GRM8: variants seen among roughly 807,000 people sequenced by gnomAD.
GRM8 encodes the protein glutamate metabotropic receptor 8.
A neutral mutation model predicts 87.2 loss-of-function variants in GRM8; 47 were observed. The observed-to-expected ratio is 0.54, with a 90% CI of 0.43 to 0.69. The LOEUF is 0.69. GRM8 is among the 30% of genes least tolerant of loss of function. The pLI, the probability that GRM8 is intolerant of heterozygous loss-of-function variation, is 0.00. For missense variants in GRM8, 1,019 were observed against 1,139.2 expected (o/e 0.89, Z 1.52); for synonymous variants, 396 against 404.5 (o/e 0.98, Z 0.25).
chr7:127,005,540 C>CG (rs1326549604), intron 3 of GRM8, among the ~76,000 whole-genome samples: 1 of 151,768 alleles, frequency 6.6e-6, no homozygotes, highest in African/African-American at 2.4e-5. Flanking sequence ...ATAGTCTCCA[C>CG]AAAGTTGTAG....
intron 3 of GRM8, among the ~76,000 whole-genome samples, chr7:126,925,223 T>C (rs1225489469): frequency 1.3e-5 from 2 of 152,206 alleles, no homozygotes; most frequent in Non-Finnish European, 2.9e-5. Context: ...TATTTTTGCA[T>C]GGGTGCCACA....
intron 7 of GRM8, among the ~76,000 whole-genome samples, chr7:126,761,262 G>C (rs114681825): frequency 0.018 from 2,773 of 151,076 alleles, 95 homozygotes; most frequent in African/African-American, 0.064. Context: ...TATATCAATA[G>C]TATATATACT....
intron 7 of GRM8, chr7:126,701,764 C>G (rs760132050): frequency 7.2e-6 from 9 of 1,258,478 alleles, no homozygotes; most frequent in South Asian, 5.0e-5. Flanking sequence ...TACCCAACTA[C>G]TGGAAAATGA....
At chr7:126,684,558 A>G (rs1001550967) in intron 7 of GRM8, among the ~76,000 whole-genome samples, 1 of 152,172 alleles carries the variant, frequency 6.6e-6, no homozygotes, top group Admixed American at 6.5e-5. Context: ...GCTCCATCGG[A>G]GGCAGTAAGT....
intron 9 of GRM8, among the ~76,000 whole-genome samples, chr7:126,509,387 A>T (rs1251800640): frequency 6.6e-6 from 1 of 152,060 alleles, no homozygotes; most frequent in Non-Finnish European, 1.5e-5. Context: ...ATATTTGTCC[A>T]GGTAATGGCT....
At chr7:126,623,384 T>A (rs371118340) in intron 7 of GRM8, among the ~76,000 whole-genome samples, 1 of 152,232 alleles carries the variant, frequency 6.6e-6, no homozygotes, top group East Asian at 1.9e-4. Context: ...ATAATCAATA[T>A]AGAAATATTG....
chr7:127,058,227 A>G, intron 3 of GRM8: 1 of 464,136 alleles, frequency 2.2e-6, no homozygotes, highest in Non-Finnish European at 4.4e-6. Context: ...GCCTGGCCCC[A>G]GGAAGGGCAA....
intron 8 of GRM8, among the ~76,000 whole-genome samples, chr7:126,579,018 C>T (rs1429288211): frequency 2.0e-5 from 3 of 151,990 alleles, no homozygotes; most frequent in Non-Finnish European, 1.5e-5. Context: ...TTTTTCATGG[C>T]CATTATCTTA....
intron 2 of GRM8, among the ~76,000 whole-genome samples, chr7:127,172,634 G>C (rs1403531915): frequency 2.6e-5 from 4 of 151,830 alleles, no homozygotes; most frequent in Admixed American, 2.0e-4. Context: ...CCTGAGCCCA[G>C]GAGGTGGAGG....
intron 7 of GRM8, among the ~76,000 whole-genome samples, chr7:126,692,702 GA>G (rs925586390): frequency 1.3e-5 from 2 of 150,268 alleles, no homozygotes; most frequent in Non-Finnish European, 3.0e-5. Flanking sequence ...GTTCTGACTG[GA>G]AAAAAAAATA....
chr7:126,649,640 T>C (rs997356752), intron 7 of GRM8, among the ~76,000 whole-genome samples: 4 of 152,108 alleles, frequency 2.6e-5, no homozygotes, highest in Non-Finnish European at 5.9e-5. Context: ...CCTTCTAAGG[T>C]GAAGGATAAG....
At chr7:126,805,265 C>T (rs1792555728) in intron 6 of GRM8, among the ~76,000 whole-genome samples, 2 of 152,314 alleles carry the variant, frequency 1.3e-5, no homozygotes, top group African/African-American at 2.4e-5. Flanking sequence ...AAACCCATCA[C>T]ATAAGATGCC....
intron 3 of GRM8, among the ~76,000 whole-genome samples, chr7:127,015,300 A>C (rs1159273956): frequency 6.6e-6 from 1 of 151,954 alleles, no homozygotes; most frequent in African/African-American, 2.4e-5. Context: ...ACATGAACCA[A>C]AGAAGAAAGA....
chr7:126,870,986 A>G (rs1039139536), intron 6 of GRM8, among the ~76,000 whole-genome samples: 3 of 152,198 alleles, frequency 2.0e-5, no homozygotes, highest in Non-Finnish European at 4.4e-5. Flanking sequence ...TTATTTTGCT[A>G]TATCTTGGCC....
At chr7:127,007,523 C>G (rs1435767217) in intron 3 of GRM8, among the ~76,000 whole-genome samples, 2 of 151,984 alleles carry the variant, frequency 1.3e-5, no homozygotes, top group East Asian at 1.9e-4. Flanking sequence ...CTTTTGACTT[C>G]TAGCAATGTT....
At chr7:126,444,140 C>T (rs1466360836) in intron 10 of GRM8, among the ~76,000 whole-genome samples, 1 of 151,790 alleles carries the variant, frequency 6.6e-6, no homozygotes, top group Non-Finnish European at 1.5e-5. Flanking sequence ...GTGAGAAGTG[C>T]CAGTGTTCAA....
intron 2 of GRM8, among the ~76,000 whole-genome samples, chr7:127,125,495 C>T (rs981568189): frequency 4.6e-5 from 7 of 151,832 alleles, no homozygotes; most frequent in Non-Finnish European, 8.8e-5. Flanking sequence ...CAGCAGTACA[C>T]GCAAGGATAC....
intron 8 of GRM8, among the ~76,000 whole-genome samples, chr7:126,569,083 C>T: frequency 6.6e-6 from 1 of 152,148 alleles, no homozygotes; most frequent in Admixed American, 6.6e-5. Flanking sequence ...CTCTATTATA[C>T]TTCTTCAAAT....
intron 8 of GRM8, among the ~76,000 whole-genome samples, chr7:126,543,573 T>A (rs1162770027): frequency 1.3e-5 from 2 of 151,986 alleles, no homozygotes. Flanking sequence ...GGTAGTGGTA[T>A]CCTTCACTGA....
Sources: allele counts gnomAD v4.1 joint callset (sites outside exome capture counted in the v4.1 genomes callset), GRCh38; gene constraint gnomAD v4.1.1; transcripts MANE v1.5; gene names NCBI Gene and HGNC (gene_info 2026-07-23, HGNC 2026-07-21).